Variants in CTR9 observed in about 807,000 individuals in gnomAD.
The protein encoded by CTR9 is RNA polymerase-associated protein CTR9 homolog.
Under a neutral mutation model 152.1 loss-of-function variants are expected in CTR9, and 41 were observed. The ratio of observed to expected loss-of-function variants is 0.27; its 90% CI spans 0.21 to 0.35. CTR9 has a LOEUF of 0.35. CTR9 is among the 10% of genes least tolerant of loss of function. CTR9 has a pLI of 1.00. For missense variants in CTR9, 917 were observed against 1,424.4 expected, an observed-to-expected ratio of 0.64 and a Z score of 5.73; for synonymous variants, 476 against 496.2, an observed-to-expected ratio of 0.96 and a Z score of 0.54.
At chr11:10,769,132 G>A (rs1863103649) in intron 16 of CTR9, among the ~76,000 whole-genome samples, 1 of 152,116 alleles carries the variant, frequency 6.6e-6, no homozygotes, top group South Asian at 2.1e-4. Flanking sequence ...TGAAACAGGA[G>A]AATTGCTTGA....
intron 6 of CTR9, 33 bp downstream of exon 6, chr11:10,760,354 C>T (rs2135363205): frequency 1.3e-6 from 2 of 1,596,024 alleles, no homozygotes; most frequent in South Asian, 1.1e-5. Context: ...TAGCTCCTAA[C>T]TGCTTTGTCA....
In CTR9 at chr11:10,760,250, G is replaced by C; in HGVS notation, c.670G>C (p.Ala224Pro). ...LEKARLAFSR[A>P]LELNSKCVGA... ...AAAAGCTCGTCTGGCATTCAGCAGAGCCCTGGAACTCAATTCCAAATGCGT... is the reference window on the plus strand; with the variant it reads ...AAAAGCTCGTCTGGCATTCAGCAGACCCCTGGAACTCAATTCCAAATGCGT... Residue 224 changes from alanine (A) to proline (P), a missense_variant, in exon 6 of 25, where the codon GCC becomes CCC. By Grantham distance (27) the Ala-to-Pro change is conservative. Coordinates refer to ENST00000361367, the MANE Select transcript of CTR9 (RefSeq NM_014633.5). 6.2e-7 allele frequency: 1 copy of C among 1,614,100 alleles called. No individual in the cohort carries two copies. The highest frequency in any genetic ancestry group is 8.5e-7 in the Non-Finnish European group (1 of 1,179,974).
At chr11:10,760,651 C>T (rs1862961930) in intron 6 of CTR9, among the ~76,000 whole-genome samples, 1 of 151,384 alleles carries the variant, frequency 6.6e-6, no homozygotes, top group African/African-American at 2.4e-5. Flanking sequence ...ATTTCAGAAT[C>T]TCAGATAAGG....
chr11:10,764,627 C>G lies in CTR9; in HGVS notation c.1493C>G (p.Thr498Ser), dbSNP rs374946934. ...CATTACTATAACGCCATTTCCGTTA[C>G]CACGTCATATAATCTCGCCAGGCTA... ...DEHYYNAISV[T>S]TSYNLARLYE... The change falls in exon 12 of 25, where the codon ACC (threonine) becomes AGC (serine). Residue 498 changes from threonine (T) to serine (S), a missense_variant. Physicochemically the swap from Thr to Ser is moderately conservative, Grantham distance 58. Coordinates refer to ENST00000361367, the MANE Select transcript of CTR9 (RefSeq NM_014633.5). The G allele has an allele frequency of 5.2e-5, 84 of 1,613,452 alleles. No individual in the cohort carries two copies. The highest frequency in any genetic ancestry group is 6.4e-5 in the Non-Finnish European group (75 of 1,179,660).
rs1863025380 is a variant in CTR9 at position 10,764,300 on chromosome 11, A to T, written c.1285-8A>T. The T allele has an allele frequency of 6.2e-7, 1 of 1,613,834 alleles. No homozygotes were observed. The highest frequency in any genetic ancestry group is 8.5e-7 in the Non-Finnish European group (1 of 1,179,958). ...TTACACCTTTTTCTGTCAATCATGA[A>T]AATACAGGGTGCCCTTTCAGCCTAT... On this transcript the variant is annotated splice_region_variant and splice_polypyrimidine_tract_variant and intron_variant, in intron 10 of 24. Coordinates refer to ENST00000361367, the MANE Select transcript of CTR9 (RefSeq NM_014633.5).
At position 10,779,005 on chromosome 11, in the gene CTR9, A is replaced by C; in HGVS notation, c.3422A>C (p.Glu1141Ala). 1 of 1,614,180 alleles carries C rather than the reference A, an allele frequency of 6.2e-7. No homozygotes were observed. The highest frequency in any genetic ancestry group is 8.5e-7 in the Non-Finnish European group (1 of 1,180,038). ...DHESERGSDNEGSGQGSGNES... is the reference protein window; with the variant it reads ...DHESERGSDNAGSGQGSGNES... ...GAATCGGAGAGAGGATCTGATAATG[A>C]GGGTTCTGGCCAAGGCTCTGGAAAT... is the stretch of plus-strand genomic sequence containing the variant. The change falls in exon 25 of 25, where the codon GAG becomes GCG. Residue 1141 changes from glutamate (E) to alanine (A), a missense_variant. This residue lies in a region of CTR9 where 384 missense variants were observed against 398.4 expected (regional missense o/e 0.96). Transcript: ENST00000361367.
intron 2 of CTR9, among the ~76,000 whole-genome samples, chr11:10,754,128 A>G (rs1035642523): frequency 6.6e-5 from 10 of 152,174 alleles, no homozygotes; most frequent in African/African-American, 2.4e-4. Flanking sequence ...CCACTACAGC[A>G]TCCCAAGTAG....
intron 12 of CTR9, 75 bp from the exon 13 acceptor site, chr11:10,766,327 C>CACA: frequency 8.3e-7 from 1 of 1,209,548 alleles, no homozygotes; most frequent in African/African-American, 1.5e-5. Context: ...AAAATTGTTT[C>CACA]AAAAGTATGA....
At position 10,756,849 on chromosome 11, in the gene CTR9, AATTTT is replaced by A. The variant is rs772757446; in HGVS notation, c.592+19_592+23del. ...ACCCAGGATGTCCAGGTAAGAGAAAAATTTTATTTTATGTCTAAACTGTGTATTAC... is the reference window on the plus strand; with the variant it reads ...ACCCAGGATGTCCAGGTAAGAGAAAAATTTTATGTCTAAACTGTGTATTAC... On this transcript the variant is annotated intron_variant, in intron 5 of 24. Coordinates refer to ENST00000361367, the MANE Select transcript of CTR9 (RefSeq NM_014633.5). 4 of 1,580,678 alleles carry A rather than the reference AATTTT, an allele frequency of 2.5e-6. No individual in the cohort carries two copies. Among genetic ancestry groups the A allele is most frequent in the African/African-American group, 2.7e-5 (2 of 74,216 alleles).
intron 5 of CTR9, among the ~76,000 whole-genome samples, 167 bp from the exon 6 acceptor site, chr11:10,760,006 C>T (rs1234287294): frequency 2.6e-5 from 4 of 152,236 alleles, no homozygotes; most frequent in African/African-American, 9.6e-5. Context: ...ATGATGTAGC[C>T]TCCAAGGAAA....
chr11:10,773,077 T>C, intron 20 of CTR9, 50 bp from the exon 21 acceptor site: 1 of 1,569,104 alleles, frequency 6.4e-7, no homozygotes, highest in Non-Finnish European at 8.6e-7. Flanking sequence ...TAATTTTTCA[T>C]CATAAGAAAA....
At chr11:10,760,391 T>C (rs1862958050) in intron 6 of CTR9, 70 bp downstream of exon 6, 2 of 1,430,466 alleles carry the variant, frequency 1.4e-6, no homozygotes, top group Non-Finnish European at 9.7e-7. Context: ...TCTAAAACTC[T>C]TGGAGCCAGA....
chr11:10,771,458 C>G, intron 18 of CTR9, 87 bp from the exon 19 acceptor site: 1 of 951,188 alleles, frequency 1.1e-6, no homozygotes. Context: ...TTTTCTCAGA[C>G]TTTGTAGCAC....
Position 10,778,822 on chromosome 11 carries a change from G to T in CTR9, c.3239G>T (p.Arg1080Leu), listed in dbSNP as rs577509605. ...AGSPRRPRRQRSDQDSDSDQP... is the reference protein window; with the variant it reads ...AGSPRRPRRQLSDQDSDSDQP... ...AGTCCCCGGAGGCCACGAAGACAGC[G>T]GTCAGATCAGGACTCAGACAGTGAC... Residue 1080 changes from arginine (R) to leucine (L), a missense_variant, in exon 25 of 25, where the codon CGG becomes CTG. Coordinates refer to ENST00000361367, the MANE Select transcript of CTR9 (RefSeq NM_014633.5). 3 of 1,614,184 alleles carry T rather than the reference G, an allele frequency of 1.9e-6. No individual in the cohort carries two copies. The highest frequency in any genetic ancestry group is 1.7e-6 in the Non-Finnish European group (2 of 1,180,040).
In CTR9 at chr11:10,777,189, G is replaced by C. The variant is rs61871740; in HGVS notation, c.3096-1490G>C. Among the ~76,000 whole-genome samples the C allele has an allele frequency of 5.4e-3, 815 of 152,076 alleles. 7 individuals are homozygous for C. Among genetic ancestry groups the C allele is most frequent in the Middle Eastern group, 0.01 (3 of 294 alleles). ...AGGTTAGCATGTTGAGGAGGCTAAG[G>C]CTTCTGGTGGGGATTGGACTCATAG... On this transcript the variant is annotated intron_variant, in intron 24 of 24. Transcript: ENST00000361367.
At chr11:10,770,388 G>A (rs574708651) in intron 17 of CTR9, 62 bp downstream of exon 17, 6 of 1,576,454 alleles carry the variant, frequency 3.8e-6, no homozygotes, top group East Asian at 4.5e-5. Flanking sequence ...TTAATTCTTC[G>A]TGATGCGTGT....
Position 10,778,879 on chromosome 11 carries a change from C to T in CTR9, c.3296C>T (p.Ser1099Phe). 2 of 1,614,228 alleles carry T rather than the reference C, an allele frequency of 1.2e-6. No individual in the cohort carries two copies. Among genetic ancestry groups the T allele is most frequent in the Non-Finnish European group, 1.7e-6 (2 of 1,180,038 alleles). Residue 1099 changes from serine to phenylalanine, a missense_variant, in exon 25 of 25, where the codon TCT (serine) becomes TTT (phenylalanine). By Grantham distance (155) the Ser-to-Phe change is radical (BLOSUM62 -2). Transcript: ENST00000361367. Reference sequence around the variant, plus strand: ...TCCAGAAAGAGAAGGCCCTCCGGTTCTGAGCAGTCTGACAATGAATCTGTG... The same window carrying T: ...TCCAGAAAGAGAAGGCCCTCCGGTTTTGAGCAGTCTGACAATGAATCTGTG... ...QPSRKRRPSG[S>F]EQSDNESVQS... is the part of the protein sequence containing the mutation.
chr11:10,770,163 C>A (rs201338516), intron 16 of CTR9, 47 bp from the exon 17 acceptor site: 2 of 1,355,822 alleles, frequency 1.5e-6, no homozygotes, highest in South Asian at 1.3e-5. Flanking sequence ...ATGAAAATGT[C>A]ATTTATTCTT....
chr11:10,779,083 A>G lies in CTR9; in HGVS notation c.3500A>G (p.His1167Arg), dbSNP rs1233565893. ...GAGGCCTCAGATAGAGGCTCAGAAC[A>G]TGGGTCAGATGATAGTGACTAGGTT... ...NNEASDRGSEHGSDDSD is the reference protein window; with the variant it reads ...NNEASDRGSERGSDDSD The change falls in exon 25 of 25, where the codon CAT becomes CGT. Residue 1167 changes from histidine to arginine, a missense_variant. Physicochemically the swap from His to Arg is conservative, Grantham distance 29. Coordinates refer to ENST00000361367, the MANE Select transcript of CTR9 (RefSeq NM_014633.5). 1.2e-6 allele frequency: 2 copies of G among 1,611,746 alleles called. No individual in the cohort carries two copies. The highest frequency in any genetic ancestry group is 1.7e-6 in the Non-Finnish European group (2 of 1,178,228).
Sources: gnomAD v4.1 joint callset for allele counts (sites outside exome capture counted in the v4.1 genomes callset) on GRCh38, gnomAD v4.1.1 for gene constraint, gnomAD v4.1.1 regional missense constraint, MANE v1.5 for transcripts, NCBI Gene and HGNC (gene_info 2026-07-23, HGNC 2026-07-21) for gene names.